The following ACBD3 variants were observed in gnomAD, a reference collection of about 807,000 sequenced individuals.
ACBD3 encodes acyl-CoA binding domain containing 3.
ACBD3 carries 30 observed loss-of-function variants against 66.9 expected under a neutral mutation model. The ratio of observed to expected loss-of-function variants is 0.45; its 90% confidence interval spans 0.34 to 0.61. The LOEUF (loss-of-function observed/expected upper bound fraction) is 0.61. Among genes scored for constraint, ACBD3 ranks in the 20% least tolerant of loss-of-function variants. The pLI, the probability that ACBD3 is intolerant of heterozygous loss-of-function variation, is 0.02. For synonymous variants in ACBD3, 278 were observed against 259.8 expected (o/e 1.07, Z -0.68); for missense variants, 544 against 664.5 (o/e 0.82, Z 1.99).
chr1:226,186,365 CG>C (rs1327338216), intron 1 of ACBD3, 24 bp downstream of exon 1: 3 of 1,488,686 alleles, frequency 2.0e-6, no homozygotes, highest in South Asian at 1.3e-5. Context: ...GCAGAAGCGG[CG>C]GGGGTGGGGC....
At chr1:226,150,628 C>G (rs945322796) in intron 7 of ACBD3, among the ~76,000 whole-genome samples, 1 of 152,162 alleles carries the variant, frequency 6.6e-6, no homozygotes, top group Admixed American at 6.5e-5. Context: ...CCACCCACCT[C>G]GGCCTCCCAA....
At position 226,165,893 on chromosome 1, in the gene ACBD3, C is replaced by T. The variant is rs761794296; in HGVS notation, c.394G>A (p.Val132Ile). 1.5e-5 allele frequency: 24 copies of T among 1,612,370 alleles called. 1 individual carries two copies. In the Admixed American group the frequency reaches 3.9e-4, roughly 26 times the overall value. The change falls in exon 2 of 8, where the codon GTT (valine) becomes ATT (isoleucine). Residue 132 changes from valine to isoleucine, a missense_variant. This residue lies in a region of ACBD3 where 24 missense variants were observed against 56.2 expected (regional missense o/e 0.43). Coordinates refer to ENST00000366812, the MANE Select transcript of ACBD3 (RefSeq NM_022735.4). ...TTCCCCAACACATCAAAGAATCCAA[C>T]CTCAGGACAAGTGTCTGGATTATAT... ...GPYNPDTCPE[V>I]GFFDVLGNDR... is the part of the protein sequence containing the mutation.
At chr1:226,164,638 A>G in intron 3 of ACBD3, 151 bp downstream of exon 3, 1 of 879,042 alleles carries the variant, frequency 1.1e-6, no homozygotes, top group Non-Finnish European at 1.6e-6. Flanking sequence ...GTACCTGTTC[A>G]CATCAGGAAG....
chr1:226,164,018 C>G (rs1434079976), intron 3 of ACBD3, among the ~76,000 whole-genome samples: 1 of 149,046 alleles, frequency 6.7e-6, no homozygotes, highest in African/African-American at 2.5e-5. Context: ...CCCAGCTACT[C>G]GGGAGGCTGA....
At chr1:226,164,300 C>T (rs917760608) in intron 3 of ACBD3, among the ~76,000 whole-genome samples, 23 of 151,984 alleles carry the variant, frequency 1.5e-4, no homozygotes, top group Non-Finnish European at 2.9e-4. Context: ...TAAGCATAAA[C>T]AGCACATTCA....
Position 226,144,884 on chromosome 1 carries a change from T to C in ACBD3, c.*1726A>G, listed in dbSNP as rs1440436710. The C allele has an allele frequency of 6.6e-6, 1 of 152,646 alleles. No homozygotes were observed. The highest frequency in any genetic ancestry group is 1.5e-5 in the Non-Finnish European group (1 of 68,036). The allele number at this position is 152,646 out of a possible 1,614,324, so 9.5% of individuals were successfully genotyped here. ...AATGATATTTTTAGGAGATAATTCA[T>C]CTTAACATGTGCAAGGACAAATTTG... On this transcript the variant is annotated 3_prime_UTR_variant, in exon 8 of 8. Coordinates refer to ENST00000366812, the MANE Select transcript of ACBD3 (RefSeq NM_022735.4).
At chr1:226,179,330 G>T (rs1268865789) in intron 1 of ACBD3, among the ~76,000 whole-genome samples, 4 of 152,092 alleles carry the variant, frequency 2.6e-5, no homozygotes, top group African/African-American at 9.7e-5. Context: ...TCTTCTGAAT[G>T]AGCTCCATTT....
chr1:226,148,682 C>T (rs1659504609), intron 7 of ACBD3, among the ~76,000 whole-genome samples: 2 of 152,168 alleles, frequency 1.3e-5, no homozygotes, highest in African/African-American at 4.8e-5. Context: ...GTGTTACCAT[C>T]CATGCTTCTT....
intron 1 of ACBD3, among the ~76,000 whole-genome samples, chr1:226,182,890 A>T (rs1008484784): frequency 6.6e-6 from 1 of 152,210 alleles, no homozygotes; most frequent in African/African-American, 2.4e-5. Context: ...GTAACCTAAT[A>T]TAAAACTATC....
rs1170130229 is a variant in ACBD3, at chr1:226,149,529, CTTTTTTTTTTTTTTTT to C, written c.1376-2724_1376-2709del. 2.8e-3 allele frequency among the ~76,000 whole-genome samples: 82 copies of C among 29,616 alleles called. 1 individual carries two copies. The highest frequency in any genetic ancestry group is 0.012 in the African/African-American group (79 of 6,342). 19.4% of individuals were successfully genotyped at this position (29,616 alleles called of 152,430 possible). ...GGTGTCAGCCACTGCGCCCAGCCAT[CTTTTTTTTTTTTTTTT>C]TTTTTTTTTTTTTGAGATGGGGTCT... On this transcript the variant is annotated intron_variant, in intron 7 of 7. Transcript: ENST00000366812.
chr1:226,155,757 C>T (rs759771757), intron 5 of ACBD3, among the ~76,000 whole-genome samples: 16 of 152,086 alleles, frequency 1.1e-4, no homozygotes, highest in Middle Eastern at 3.2e-3. Flanking sequence ...AATTGTTAAT[C>T]GTGTTGTAAA....
At chr1:226,175,514 T>C (rs1656011928) in intron 1 of ACBD3, among the ~76,000 whole-genome samples, 1 of 152,086 alleles carries the variant, frequency 6.6e-6, no homozygotes, top group African/African-American at 2.4e-5. Context: ...AACAAAAATG[T>C]AATCAAAGTG....
chr1:226,186,195 T>A (rs1267912214), intron 1 of ACBD3, among the ~76,000 whole-genome samples, 195 bp downstream of exon 1: 1 of 152,156 alleles, frequency 6.6e-6, no homozygotes, highest in African/African-American at 2.4e-5. Flanking sequence ...TGCAGGCCCG[T>A]CAGGGGTGTG....
intron 5 of ACBD3, among the ~76,000 whole-genome samples, chr1:226,158,418 A>G (rs1659713400): frequency 6.6e-6 from 1 of 152,258 alleles, no homozygotes. Context: ...TTCTACAAGT[A>G]CAAAAATCGT....
At chr1:226,161,157 T>TTTTTTTTTTTG (rs10674358) in intron 4 of ACBD3, among the ~76,000 whole-genome samples, 1 of 151,386 alleles carries the variant, frequency 6.6e-6, no homozygotes, top group Non-Finnish European at 1.5e-5. Flanking sequence ...TTTTTTTTTT[T>TTTTTTTTTTTG]GAGACGGAGT....
Position 226,169,473 on chromosome 1 carries a change from T to A in ACBD3, c.287-3473A>T, listed in dbSNP as rs191520797. 4.0e-3 allele frequency among the ~76,000 whole-genome samples: 606 copies of A among 151,456 alleles called. 13 individuals carry two copies. The East Asian group carries it at 0.069, about 17-fold the overall frequency. ...ACTGTGTTAGCCAGGATGGTCTCGA[T>A]CTCCTGACCTCGTGATCTGCCCGCC... On this transcript the variant is annotated intron_variant, in intron 1 of 7. Transcript: ENST00000366812.
At chr1:226,185,828 T>C (rs1034877478) in intron 1 of ACBD3, among the ~76,000 whole-genome samples, 4 of 152,038 alleles carry the variant, frequency 2.6e-5, no homozygotes, top group African/African-American at 9.7e-5. Context: ...CCGGAGAGGA[T>C]GATGAGCTTA....
intron 1 of ACBD3, among the ~76,000 whole-genome samples, chr1:226,174,136 C>T (rs561310177): frequency 7.7e-4 from 117 of 152,132 alleles, no homozygotes; most frequent in African/African-American, 2.7e-3. Flanking sequence ...TAATAAGTAC[C>T]ACTAACTGCA....
intron 5 of ACBD3, among the ~76,000 whole-genome samples, chr1:226,156,761 C>T (rs1303156825): frequency 1.3e-5 from 2 of 152,296 alleles, no homozygotes; most frequent in Admixed American, 6.5e-5. Context: ...AGAAGGGATA[C>T]TAGCTTCCAG....
Sources: gnomAD v4.1 joint callset for allele counts (sites outside exome capture counted in the v4.1 genomes callset) on GRCh38, gnomAD v4.1.1 for gene constraint, gnomAD v4.1.1 regional missense constraint, MANE v1.5 for transcripts, NCBI Gene and HGNC (gene_info 2026-07-23, HGNC 2026-07-21) for gene names.